The following UNC13B variants were observed in gnomAD, a reference collection of about 807,000 sequenced individuals.
UNC13B encodes the protein protein unc-13 homolog B.
Under a neutral mutation model 211.0 loss-of-function variants are expected in UNC13B, and 144 were observed. That is an observed-to-expected ratio of 0.68 (90% CI 0.60 to 0.78). UNC13B has a LOEUF of 0.78. Ranked by LOEUF, UNC13B falls within the 30% of genes least tolerant of loss-of-function variation. The pLI is 0.00. For synonymous variants in UNC13B, 709 were observed against 725.8 expected, an observed-to-expected ratio of 0.98 and a Z score of 0.37; for missense variants, 1,777 against 2,002.0, an observed-to-expected ratio of 0.89 and a Z score of 2.14.
intron 1 of UNC13B, among the ~76,000 whole-genome samples, chr9:35,216,594 G>A (rs1205465395): frequency 6.6e-6 from 1 of 152,090 alleles, no homozygotes; most frequent in African/African-American, 2.4e-5. Flanking sequence ...CAATAACCAC[G>A]CTACTCTAGC....
At chr9:35,208,145 C>T (rs1454396644) in intron 1 of UNC13B, among the ~76,000 whole-genome samples, 1 of 152,170 alleles carries the variant, frequency 6.6e-6, no homozygotes, top group Non-Finnish European at 1.5e-5. Context: ...GTAAACTCCC[C>T]TTTCTGGAAC....
intron 7 of UNC13B, 146 bp downstream of exon 7, chr9:35,259,196 T>A: frequency 1.2e-6 from 1 of 810,120 alleles, no homozygotes; most frequent in East Asian, 2.6e-5. Context: ...CAGGCGCCTT[T>A]CTCTGATGGC....
intron 1 of UNC13B, among the ~76,000 whole-genome samples, chr9:35,179,299 A>G (rs962823912): frequency 6.6e-6 from 1 of 152,180 alleles, no homozygotes; most frequent in African/African-American, 2.4e-5. Flanking sequence ...GCATTATAGC[A>G]GGTGTTTCAT....
At chr9:35,243,690 T>A (rs1825929151) in intron 6 of UNC13B, among the ~76,000 whole-genome samples, 1 of 152,148 alleles carries the variant, frequency 6.6e-6, no homozygotes, top group Non-Finnish European at 1.5e-5. Context: ...TCTCTCAGTT[T>A]TTTGGATATT....
At chr9:35,376,669 G>C (rs1364628418) in intron 15 of UNC13B, among the ~76,000 whole-genome samples, 1 of 152,182 alleles carries the variant, frequency 6.6e-6, no homozygotes, top group African/African-American at 2.4e-5. Flanking sequence ...TAGAATCTAG[G>C]ACTCAGGGAA....
At chr9:35,242,085 T>A (rs1319486608) in intron 5 of UNC13B, among the ~76,000 whole-genome samples, 2 of 152,216 alleles carry the variant, frequency 1.3e-5, no homozygotes, top group African/African-American at 4.8e-5. Flanking sequence ...TCATACTTGA[T>A]GTTTTTAAAA....
Position 35,306,860 on chromosome 9 carries a change from C to T in UNC13B, c.7456C>T (p.Pro2486Ser). ...PKTLSGLFSS[P>S]KSPKKNSFFS... ...AACACTCTCTGGACTTTTCTCCTCT[C>T]CTAAATCTCCAAAGAAAAACTCCTT... The change falls in exon 9 of 40, where the codon CCT (proline) becomes TCT (serine). Residue 2486 changes from proline to serine, a missense_variant. Physicochemically the swap from Pro to Ser is moderately conservative, Grantham distance 74. Transcript: ENST00000635942. The T allele has an allele frequency of 2.5e-6, 1 of 399,072 alleles. No homozygotes were observed. The highest frequency in any genetic ancestry group is 4.4e-6 in the Non-Finnish European group (1 of 226,062). The allele number at this position is 399,072 out of a possible 1,614,324, so 24.7% of individuals were successfully genotyped here.
intron 11 of UNC13B, among the ~76,000 whole-genome samples, chr9:35,359,437 T>C (rs1833249016): frequency 6.6e-6 from 1 of 152,226 alleles, no homozygotes; most frequent in Non-Finnish European, 1.5e-5. Context: ...CCCAGGTTTA[T>C]ATCTCCAACC....
intron 37 of UNC13B, chr9:35,401,846 G>T: frequency 9.3e-7 from 1 of 1,076,146 alleles, no homozygotes. Flanking sequence ...CTCAGAATAT[G>T]TGTAGAGCTG....
chr9:35,353,523 A>G (rs1484770804), intron 11 of UNC13B: 12 of 1,232,124 alleles, frequency 9.7e-6, no homozygotes, highest in Non-Finnish European at 1.1e-5. Context: ...GTCTCCACAC[A>G]GGGAGAGCAA....
At chr9:35,397,786 C>A in intron 30 of UNC13B, 74 bp downstream of exon 30, 1 of 1,529,330 alleles carries the variant, frequency 6.5e-7, no homozygotes, top group Non-Finnish European at 9.0e-7. Context: ...AAGCTGTCCT[C>A]AGAATTGAGG....
At chr9:35,226,294 C>G (rs1824836250) in intron 1 of UNC13B, among the ~76,000 whole-genome samples, 1 of 152,166 alleles carries the variant, frequency 6.6e-6, no homozygotes, top group Non-Finnish European at 1.5e-5. Flanking sequence ...GCAAGGTTCC[C>G]CCTGCCCCCA....
chr9:35,208,468 A>G (rs1396717369), intron 1 of UNC13B, among the ~76,000 whole-genome samples: 1 of 152,206 alleles, frequency 6.6e-6, no homozygotes, highest in Non-Finnish European at 1.5e-5. Flanking sequence ...GTAATTTATA[A>G]AGAAGAGGTT....
chr9:35,361,823 GAACT>G (rs2132125328), intron 11 of UNC13B: 1 of 152,312 alleles, frequency 6.6e-6, no homozygotes, highest in African/African-American at 2.4e-5. Context: ...ATTAGTATTT[GAACT>G]AAGTCTTAGG....
intron 9 of UNC13B, among the ~76,000 whole-genome samples, chr9:35,309,300 A>G (rs912794601): frequency 6.6e-6 from 1 of 151,050 alleles, no homozygotes. Context: ...TGTGTGTTGA[A>G]CTACTCAGAA....
chr9:35,334,938 T>C (rs1388590292), intron 11 of UNC13B, among the ~76,000 whole-genome samples: 2 of 152,136 alleles, frequency 1.3e-5, no homozygotes, highest in African/African-American at 2.4e-5. Flanking sequence ...CTCAGGAGGC[T>C]GAGAGAGGAG....
chr9:35,254,441 T>C (rs893081649), intron 6 of UNC13B, among the ~76,000 whole-genome samples: 2 of 152,124 alleles, frequency 1.3e-5, no homozygotes, highest in Non-Finnish European at 2.9e-5. Context: ...GCTTATGCCA[T>C]TCATGAAGTC....
intron 4 of UNC13B, 25 bp downstream of exon 4, chr9:35,236,611 G>A: frequency 2.5e-6 from 4 of 1,597,542 alleles, no homozygotes; most frequent in Non-Finnish European, 3.4e-6. Flanking sequence ...TTTCTGTTTG[G>A]AAGTATGGTT....
At position 35,305,243 on chromosome 9, in the gene UNC13B, A is replaced by G. The variant is rs762415275; in HGVS notation, c.5839A>G (p.Thr1947Ala). ...ATCTGGATTTTTGAATCTTTTTAAG[A>G]CTCAGGTGAATAAAGAAGGATCACC... is the stretch of plus-strand genomic sequence containing the variant. ...QSSGFLNLFK[T>A]QVNKEGSPNL... The change falls in exon 9 of 40, where the codon ACT (threonine) becomes GCT (alanine). Residue 1947 changes from threonine to alanine, a missense_variant. Thr to Ala is a moderately conservative substitution (Grantham distance 58). Transcript: ENST00000635942. 2 of 398,930 alleles carry G rather than the reference A, an allele frequency of 5.0e-6. No individual in the cohort carries two copies. The highest frequency in any genetic ancestry group is 8.9e-6 in the Non-Finnish European group (2 of 225,982). The allele number at this position is 398,930 out of a possible 1,614,324, so 24.7% of individuals were successfully genotyped here. A position where few individuals can be genotyped will look rare whatever the true frequency, so the allele number is the denominator to read the frequency against.
Sources: gnomAD v4.1 joint callset for allele counts (sites outside exome capture counted in the v4.1 genomes callset) on GRCh38, gnomAD v4.1.1 for gene constraint, MANE v1.5 for transcripts, NCBI Gene and HGNC (gene_info 2026-07-23, HGNC 2026-07-21) for gene names.